DOCK7: variants seen among roughly 807,000 people sequenced by gnomAD.
The protein encoded by DOCK7 is dedicator of cytokinesis 7.
Under a neutral mutation model 271.0 loss-of-function variants are expected in DOCK7, and 138 were observed. That is an observed-to-expected ratio of 0.51 (90% confidence interval 0.44 to 0.59). DOCK7 has a LOEUF of 0.59. Ranked by LOEUF, DOCK7 falls within the 20% of genes least tolerant of loss-of-function variation. The probability of loss-of-function intolerance (pLI) is 0.00; values close to 1 mark genes in which losing one functional copy is unlikely to be tolerated. For synonymous variants in DOCK7, 823 were observed against 876.1 expected (o/e 0.94, Z 1.07); for missense variants, 2,066 against 2,592.4 (o/e 0.80, Z 4.41).
intron 40 of DOCK7, 63 bp from the exon 41 acceptor site, chr1:62,492,910 G>A: frequency 7.2e-7 from 1 of 1,392,198 alleles, no homozygotes; most frequent in Non-Finnish European, 9.9e-7. Flanking sequence ...AAATGTATAA[G>A]AAGAAATAAC....
chr1:62,547,930 AC>A (rs1645764288), intron 22 of DOCK7, among the ~76,000 whole-genome samples: 1 of 152,194 alleles, frequency 6.6e-6, no homozygotes. Flanking sequence ...ATCTCTGCAG[AC>A]CTTTAAATAC....
At chr1:62,472,231 A>C (rs1213905974) in intron 48 of DOCK7, among the ~76,000 whole-genome samples, 1 of 151,878 alleles carries the variant, frequency 6.6e-6, no homozygotes, top group South Asian at 2.1e-4. Context: ...CAGCCTCCCA[A>C]GTAGCTGGGA....
chr1:62,549,149 C>T (rs1435759182), intron 22 of DOCK7, among the ~76,000 whole-genome samples: 1 of 151,970 alleles, frequency 6.6e-6, no homozygotes, highest in Non-Finnish European at 1.5e-5. Flanking sequence ...AAGGTATAAT[C>T]AGTAAACCAA....
rs752478136 is a variant in DOCK7 at position 62,529,372 on chromosome 1, T to A, written c.3686A>T (p.Tyr1229Phe). ...TCGAGCCTTTATCTGAGGGTCAGAGTACCGCGGGTCTGAGTCGTGACTGGA... is the reference window on the plus strand; with the variant it reads ...TCGAGCCTTTATCTGAGGGTCAGAGAACCGCGGGTCTGAGTCGTGACTGGA... ...LLSSHDSDPR[Y>F]SDPQIKARVA... The change falls in exon 30 of 50, where the codon TAC (tyrosine) becomes TTC (phenylalanine). Residue 1229 changes from tyrosine to phenylalanine, a missense_variant. Transcript: ENST00000635253. The A allele has an allele frequency of 8.7e-6, 14 of 1,613,632 alleles. No homozygotes were observed. The highest frequency in any genetic ancestry group is 3.3e-4 in the Middle Eastern group (2 of 6,082).
At chr1:62,631,448 G>T in intron 10 of DOCK7, 43 bp from the exon 11 acceptor site, 2 of 1,487,962 alleles carry the variant, frequency 1.3e-6, no homozygotes, top group Non-Finnish European at 1.8e-6. Flanking sequence ...ATACTTGAAA[G>T]AAATCAGTTA....
At chr1:62,561,081 C>G (rs1031772613) in intron 19 of DOCK7, among the ~76,000 whole-genome samples, 16 of 152,058 alleles carry the variant, frequency 1.1e-4, no homozygotes, top group African/African-American at 3.6e-4. Context: ...GGTAAGATGA[C>G]ATACAGTAAT....
chr1:62,585,556 G>A (rs543441961), intron 15 of DOCK7, among the ~76,000 whole-genome samples: 1 of 152,196 alleles, frequency 6.6e-6, no homozygotes, highest in South Asian at 2.1e-4. Flanking sequence ...CTCTAGTCTG[G>A]TCTCAATCTA....
At chr1:62,509,312 C>CA (rs71045845) in intron 34 of DOCK7, among the ~76,000 whole-genome samples, 37,041 of 112,740 alleles carry the variant, frequency 0.33, 7,519 homozygotes, top group African/African-American at 0.54. Context: ...GATCTTGTCT[C>CA]AAAAAAAAAA....
chr1:62,625,685 T>C (rs1393760512), intron 11 of DOCK7, among the ~76,000 whole-genome samples: 1 of 152,234 alleles, frequency 6.6e-6, no homozygotes, highest in Non-Finnish European at 1.5e-5. Flanking sequence ...GAAGTATGCA[T>C]TTACTACAAA....
chr1:62,626,486 T>A (rs1361136877), intron 11 of DOCK7, among the ~76,000 whole-genome samples: 26 of 148,362 alleles, frequency 1.8e-4, no homozygotes, highest in African/African-American at 6.2e-4. Context: ...TTAGCTAAAA[T>A]GATGAACCAA....
At chr1:62,622,774 CA>C (rs1653437141) in intron 12 of DOCK7, among the ~76,000 whole-genome samples, 1 of 151,790 alleles carries the variant, frequency 6.6e-6, no homozygotes, top group South Asian at 2.1e-4. Context: ...ACTAAAAATA[CA>C]AAAAATTAGC....
chr1:62,552,895 C>T lies in DOCK7; in HGVS notation c.2603G>A (p.Gly868Glu). 2 of 1,602,446 alleles carry T rather than the reference C, an allele frequency of 1.2e-6. No individual in the cohort carries two copies. Among genetic ancestry groups the T allele is most frequent in the Non-Finnish European group, 1.7e-6 (2 of 1,173,806 alleles). Reference sequence around the variant, plus strand: ...ATAATGCACTGATCCTCCCAAACCCCCAGGACCTAGAGTTGTATATGAAAT... The same window carrying T: ...ATAATGCACTGATCCTCCCAAACCCTCAGGACCTAGAGTTGTATATGAAAT... ...TYPNSSSPGP[G>E]GLGGSVHYAT... Residue 868 changes from glycine to glutamate, a missense_variant, in exon 22 of 50, where the codon GGG (glycine) becomes GAG (glutamate). By Grantham distance (98) the Gly-to-Glu change is moderately conservative. Coordinates refer to ENST00000635253, the MANE Select transcript of DOCK7 (RefSeq NM_001367561.1).
At position 62,475,327 on chromosome 1, in the gene DOCK7, C is replaced by A; in HGVS notation, c.5986G>T (p.Ala1996Ser). 1 of 1,613,808 alleles carries A rather than the reference C, an allele frequency of 6.2e-7. No individual in the cohort carries two copies. Among genetic ancestry groups the A allele is most frequent in the Non-Finnish European group, 8.5e-7 (1 of 1,179,890 alleles). ...GTCTTTTTCTGCATGTCCTCAATAG[C>A]AACTTCAATTGGTGTTAAGATGATC... is the stretch of plus-strand genomic sequence containing the variant. ...EEIILTPIEVAIEDMQKKTQE... is the reference protein window; with the variant it reads ...EEIILTPIEVSIEDMQKKTQE... The change falls in exon 47 of 50, where the codon GCT becomes TCT. Residue 1996 changes from alanine (A) to serine (S), a missense_variant. Physicochemically the swap from Ala to Ser is moderately conservative, Grantham distance 99. Around this residue, in one of 2 missense-constraint regions of DOCK7, gnomAD observed 652 missense variants for 922.1 expected, o/e 0.71. Coordinates refer to ENST00000635253, the MANE Select transcript of DOCK7 (RefSeq NM_001367561.1).
At chr1:62,544,484 A>T (rs951028420) in intron 23 of DOCK7, among the ~76,000 whole-genome samples, 49 of 152,218 alleles carry the variant, frequency 3.2e-4, no homozygotes, top group Non-Finnish European at 7.3e-5. Flanking sequence ...TTCAATTTCA[A>T]CTTATTGCCA....
intron 17 of DOCK7, among the ~76,000 whole-genome samples, chr1:62,578,490 C>A (rs1647005847): frequency 6.6e-6 from 1 of 152,042 alleles, no homozygotes; most frequent in Non-Finnish European, 1.5e-5. Flanking sequence ...GAGGCCGAGG[C>A]AGGCAGATCA....
intron 18 of DOCK7, among the ~76,000 whole-genome samples, chr1:62,562,868 G>A (rs1294289321): frequency 1.3e-5 from 2 of 152,078 alleles, no homozygotes; most frequent in Admixed American, 1.3e-4. Context: ...ATTCCAGCTA[G>A]TTACAAGGGA....
chr1:62,665,641 G>A (rs902463469), intron 1 of DOCK7, among the ~76,000 whole-genome samples: 90 of 149,454 alleles, frequency 6.0e-4, no homozygotes, highest in African/African-American at 2.0e-3. Context: ...CGGAGGTTGC[G>A]GTGAGCCGAG....
intron 14 of DOCK7, among the ~76,000 whole-genome samples, chr1:62,611,869 G>C (rs1024808689): frequency 6.6e-6 from 1 of 151,976 alleles, no homozygotes; most frequent in African/African-American, 2.4e-5. Flanking sequence ...ATCTGGCCAG[G>C]CATGGTGGTT....
At chr1:62,653,829 C>G (rs200264254) in intron 3 of DOCK7, 36 bp from the exon 4 acceptor site, 273 of 1,473,558 alleles carry the variant, frequency 1.9e-4, no homozygotes, top group Non-Finnish European at 2.3e-4. Flanking sequence ...GTAATTTAGA[C>G]GGGACAGCAC....
Sources: allele counts gnomAD v4.1 joint callset (sites outside exome capture counted in the v4.1 genomes callset), GRCh38; gene constraint gnomAD v4.1.1; regional missense constraint gnomAD v4.1.1; transcripts MANE v1.5; gene names NCBI Gene and HGNC (gene_info 2026-07-23, HGNC 2026-07-21).